RPL31: variants seen among roughly 807,000 people sequenced by gnomAD.
RPL31 encodes the protein large ribosomal subunit protein eL31.
For missense variants in RPL31, 95 were observed against 164.0 expected (o/e 0.58, Z 2.30); for synonymous variants, 51 against 55.0 (o/e 0.93, Z 0.32).
At chr2:101,003,932 T>A (rs996851696) in intron 2 of RPL31, among the ~76,000 whole-genome samples, 2 of 152,240 alleles carry the variant, frequency 1.3e-5, no homozygotes, top group African/African-American at 4.8e-5. Flanking sequence ...CTGCCTAGTT[T>A]AAGGGTTGGT....
chr2:101,002,848 C>G, intron 2 of RPL31, 40 bp downstream of exon 2: 2 of 1,461,576 alleles, frequency 1.4e-6, no homozygotes, highest in Non-Finnish European at 9.6e-7. Context: ...CGAACTCACG[C>G]GTCTGGTTGT....
intron 2 of RPL31, among the ~76,000 whole-genome samples, chr2:101,003,161 C>G (rs962015029): frequency 6.6e-6 from 1 of 152,336 alleles, no homozygotes; most frequent in East Asian, 1.9e-4. Flanking sequence ...CCCACATTGG[C>G]TGACCCGCTT....
chr2:101,007,868 C>CAA (rs34592404), downstream of RPL31: 1 of 1,611,160 alleles, frequency 6.2e-7, no homozygotes, highest in Non-Finnish European at 8.5e-7. Flanking sequence ...TGGCTCATTT[C>CAA]AAAAGTTTTG....
At chr2:101,010,612 C>A (rs58013398), downstream of RPL31, among the ~76,000 whole-genome samples, 3,217 of 151,814 alleles carry the variant, frequency 0.021, 137 homozygotes, top group African/African-American at 0.073. Context: ...CGGTCGGGCG[C>A]GGTGGCTCAA....
At chr2:101,008,023 G>A, downstream of RPL31, 1 of 1,613,976 alleles carries the variant, frequency 6.2e-7, no homozygotes, top group East Asian at 2.2e-5. Context: ...TGCCGCCTCT[G>A]GAAATGCCTG....
At chr2:101,012,739 G>A (rs1679322355) in intron 4 of RPL31, among the ~76,000 whole-genome samples, 1 of 152,114 alleles carries the variant, frequency 6.6e-6, no homozygotes, top group Non-Finnish European at 1.5e-5. Flanking sequence ...TGACAGGGAA[G>A]GTTCCCCATA....
chr2:101,013,028 G>A (rs991023712), intron 4 of RPL31, among the ~76,000 whole-genome samples: 4 of 152,154 alleles, frequency 2.6e-5, no homozygotes, highest in African/African-American at 9.7e-5. Context: ...AAAGAACTTG[G>A]CGTACCACAA....
chr2:101,007,696 G>GTTGTT, downstream of RPL31: 2 of 975,334 alleles, frequency 2.1e-6, no homozygotes, highest in East Asian at 4.8e-5. Flanking sequence ...AGTTTGTCAG[G>GTTGTT]TTGTTTAGCC....
Position 101,002,853 on chromosome 2 carries a change from G to C in RPL31, c.107+45G>C, listed in dbSNP as rs751644964. ...CCCTGGGTCTCGAACTCACGCGTCT[G>C]GTTGTTACCGAGAGATGTGCCGAAT... On this transcript the variant is annotated intron_variant, in intron 2 of 4. Transcript: ENST00000264258. 4 of 1,431,876 alleles carry C rather than the reference G, an allele frequency of 2.8e-6. No individual in the cohort carries two copies. The African/African-American group carries it at 5.6e-5, about 20-fold the overall frequency. 88.7% of individuals were successfully genotyped at this position (1,431,876 alleles called of 1,614,324 possible). A position where few individuals can be genotyped will look rare whatever the true frequency, so the allele number is the denominator to read the frequency against.
intron 4 of RPL31, chr2:101,017,718 C>A: frequency 1.2e-6 from 1 of 843,020 alleles, no homozygotes. Context: ...ATCCATGGTA[C>A]ATCACTTTAT....
downstream of RPL31, chr2:101,007,710 T>G: frequency 9.1e-7 from 1 of 1,102,326 alleles, no homozygotes; most frequent in Non-Finnish European, 1.3e-6. Flanking sequence ...TTTAGCCAGA[T>G]GCCCCATTGG....
intron 4 of RPL31, among the ~76,000 whole-genome samples, chr2:101,018,762 C>A (rs1558623402): frequency 6.6e-6 from 1 of 152,148 alleles, no homozygotes; most frequent in African/African-American, 2.4e-5. Context: ...TGTGTGTGTC[C>A]ATTTTCAATA....
At chr2:101,007,878 G>A (rs113291929), downstream of RPL31, 2 of 1,613,608 alleles carry the variant, frequency 1.2e-6, no homozygotes, top group Non-Finnish European at 1.7e-6. Context: ...CAAAAGTTTT[G>A]AGATTGTACT....
chr2:101,014,973 TTA>T (rs1177747756), intron 4 of RPL31, among the ~76,000 whole-genome samples: 1 of 146,662 alleles, frequency 6.8e-6, no homozygotes, highest in Non-Finnish European at 1.5e-5. Flanking sequence ...ATCTATTATT[TTA>T]TAGAGTCATG....
At chr2:101,008,137 C>T, downstream of RPL31, 2 of 1,613,872 alleles carry the variant, frequency 1.2e-6, no homozygotes, top group Middle Eastern at 1.6e-4. Context: ...GCTTCCAGAG[C>T]TGCTGCCTCG....
Position 101,002,818 on chromosome 2 carries a change from C to G in RPL31, c.107+10C>G, listed in dbSNP as rs761232621. The stretch of plus-strand genomic sequence containing the variant: ...AGCGCATCCATGGAGTGTGAGTATC[C>G]CTCTAGCCGCCCTGGGTCTCGAACT... On this transcript the variant is annotated intron_variant, in intron 2 of 4. Coordinates refer to ENST00000264258, the MANE Select transcript of RPL31 (RefSeq NM_000993.5). 4.4e-6 allele frequency: 7 copies of G among 1,598,840 alleles called. No individual in the cohort carries two copies. The Admixed American group carries it at 1.2e-4, about 27-fold the overall frequency.
chr2:101,005,168 T>C (rs1283769824), intron 3 of RPL31: 3 of 152,108 alleles, frequency 2.0e-5, no homozygotes, highest in Non-Finnish European at 4.4e-5. Context: ...CCTGAGTTTA[T>C]AGGAATCGGG....
downstream of RPL31, among the ~76,000 whole-genome samples, chr2:101,009,161 A>G (rs924150070): frequency 5.9e-5 from 9 of 152,208 alleles, no homozygotes; most frequent in African/African-American, 1.9e-4. Flanking sequence ...TGGGAGGCCA[A>G]GGCAGGCGGA....
intron 4 of RPL31, among the ~76,000 whole-genome samples, chr2:101,016,915 G>A (rs1558621615): frequency 1.3e-5 from 2 of 151,918 alleles, no homozygotes; most frequent in Admixed American, 1.3e-4. Flanking sequence ...CACACTCTGG[G>A]GACTGGTGTG....
Sources: gnomAD v4.1 joint callset for allele counts (sites outside exome capture counted in the v4.1 genomes callset) on GRCh38, gnomAD v4.1.1 for gene constraint, MANE v1.5 for transcripts, NCBI Gene and HGNC (gene_info 2026-07-23, HGNC 2026-07-21) for gene names.